The following EYS variants were observed in gnomAD, a reference collection of about 807,000 sequenced individuals.
EYS encodes protein eyes shut homolog.
A neutral mutation model predicts 282.1 loss-of-function variants in EYS; 250 were observed. The observed-to-expected ratio is 0.89, with a 90% CI of 0.80 to 0.98. EYS has a LOEUF of 0.98. Among genes scored for constraint, EYS ranks in the 50% least tolerant of loss-of-function variants. EYS has a pLI of 0.00. For missense variants in EYS, 4,016 were observed against 3,709.0 expected (o/e 1.08, Z -2.15); for synonymous variants, 1,355 against 1,282.9 (o/e 1.06, Z -1.20).
At chr6:65,108,154 G>A (rs1048707994) in intron 12 of EYS, among the ~76,000 whole-genome samples, 1 of 151,098 alleles carries the variant, frequency 6.6e-6, no homozygotes, top group Non-Finnish European at 1.5e-5. Context: ...CCTTTAGCTC[G>A]AAGAACTTCT....
intron 14 of EYS, among the ~76,000 whole-genome samples, chr6:64,975,403 G>C (rs1770444333): frequency 6.6e-6 from 1 of 151,812 alleles, no homozygotes; most frequent in Non-Finnish European, 1.5e-5. Flanking sequence ...CAGGAGGAAA[G>C]GGCTCTGGTT....
rs1394521114 is a variant in EYS, at chr6:64,637,982, G to C, written c.3444-11737C>G. Reference sequence around the variant, plus strand: ...TTTCTAGATCACCTTTTAAAAAAAAGAGAATGAATACAACTCCACCAGGCA... The same window carrying C: ...TTTCTAGATCACCTTTTAAAAAAAACAGAATGAATACAACTCCACCAGGCA... On this transcript the variant is annotated intron_variant, in intron 22 of 42. Transcript: ENST00000503581. Among the ~76,000 whole-genome samples the C allele has an allele frequency of 2.2e-5, 2 of 89,924 alleles. 1 individual carries two copies. The highest frequency in any genetic ancestry group is 8.5e-5 in the African/African-American group (2 of 23,490). 59.0% of individuals were successfully genotyped at this position (89,924 alleles called of 152,430 possible). A position where few individuals can be genotyped will look rare whatever the true frequency, so the allele number is the denominator to read the frequency against.
At chr6:65,135,238 C>A (rs1196669789) in intron 12 of EYS, among the ~76,000 whole-genome samples, 2 of 151,840 alleles carry the variant, frequency 1.3e-5, no homozygotes, top group Non-Finnish European at 2.9e-5. Flanking sequence ...ATCACATCAC[C>A]TTTTTAATTC....
At chr6:64,245,606 A>C (rs377537058) in intron 30 of EYS, among the ~76,000 whole-genome samples, 2 of 152,174 alleles carry the variant, frequency 1.3e-5, no homozygotes, top group South Asian at 4.1e-4. Context: ...ATCTTTGCAG[A>C]TTTAAGCCAC....
intron 11 of EYS, 135 bp from the exon 12 acceptor site, chr6:65,296,254 AAT>A: frequency 1.0e-6 from 1 of 993,312 alleles, no homozygotes; most frequent in Non-Finnish European, 1.4e-6. Context: ...GCATTTAAAA[AAT>A]ATTTTCATAA....
intron 30 of EYS, among the ~76,000 whole-genome samples, chr6:64,239,885 T>G (rs1766741021): frequency 6.6e-6 from 1 of 152,224 alleles, no homozygotes; most frequent in African/African-American, 2.4e-5. Context: ...TTTATGATTT[T>G]AGGTCTTACA....
intron 2 of EYS, among the ~76,000 whole-genome samples, chr6:65,620,882 C>T (rs916039026): frequency 1.5e-4 from 23 of 152,078 alleles, no homozygotes; most frequent in Admixed American, 2.6e-4. Flanking sequence ...TTTCTTAATC[C>T]GGAGTTCTAG....
chr6:65,205,548 TG>T (rs1766013872), intron 12 of EYS, among the ~76,000 whole-genome samples: 1 of 151,900 alleles, frequency 6.6e-6, no homozygotes, highest in Non-Finnish European at 1.5e-5. Flanking sequence ...CTAAACTATG[TG>T]GTCCTAATAG....
At chr6:65,371,707 C>CT (rs1765145527) in intron 8 of EYS, among the ~76,000 whole-genome samples, 1 of 91,310 alleles carries the variant, frequency 1.1e-5, no homozygotes, top group African/African-American at 4.2e-5. Flanking sequence ...CTCTCTCTCT[C>CT]CCTCTCTCTC....
chr6:64,501,933 T>G (rs1373242894), intron 26 of EYS, among the ~76,000 whole-genome samples: 3 of 152,166 alleles, frequency 2.0e-5, no homozygotes, highest in Non-Finnish European at 4.4e-5. Context: ...GGCTCCTGCA[T>G]GTACTAGTTC....
At chr6:64,341,126 C>A (rs1771091868) in intron 29 of EYS, among the ~76,000 whole-genome samples, 1 of 151,616 alleles carries the variant, frequency 6.6e-6, no homozygotes, top group Non-Finnish European at 1.5e-5. Flanking sequence ...AATGGTTCAA[C>A]CACCCCACCC....
chr6:64,614,359 T>A (rs1287902346), intron 24 of EYS, among the ~76,000 whole-genome samples: 2 of 152,064 alleles, frequency 1.3e-5, no homozygotes, highest in Admixed American at 1.3e-4. Flanking sequence ...ACGCAATGCA[T>A]CATGTGTTTA....
chr6:64,886,631 A>G (rs906749116), intron 19 of EYS, 66 bp downstream of exon 19: 186 of 1,333,524 alleles, frequency 1.4e-4, no homozygotes, highest in Non-Finnish European at 1.7e-4. Flanking sequence ...TGGAGTATAA[A>G]TATGAGGTTT....
intron 2 of EYS, among the ~76,000 whole-genome samples, chr6:65,516,123 A>C (rs1767124478): frequency 6.6e-6 from 1 of 152,094 alleles, no homozygotes; most frequent in Non-Finnish European, 1.5e-5. Context: ...TATAAAGCAT[A>C]AGGATGCTGA....
intron 12 of EYS, among the ~76,000 whole-genome samples, chr6:65,277,118 G>A (rs1316403963): frequency 2.6e-5 from 4 of 152,086 alleles, no homozygotes; most frequent in Non-Finnish European, 4.4e-5. Flanking sequence ...GAGTCCTCAC[G>A]AATGGGATTG....
chr6:64,884,712 T>C (rs1045673278), intron 19 of EYS, among the ~76,000 whole-genome samples: 1 of 151,644 alleles, frequency 6.6e-6, no homozygotes, highest in Non-Finnish European at 1.5e-5. Context: ...CAAATACATG[T>C]AACTTTCTTG....
At chr6:63,859,602 T>A (rs1475726298) in intron 36 of EYS, among the ~76,000 whole-genome samples, 3 of 146,918 alleles carry the variant, frequency 2.0e-5, no homozygotes, top group Non-Finnish European at 4.5e-5. Context: ...CTGGGCTTTA[T>A]ACATTAAGAG....
chr6:64,877,279 C>A (rs976428851), intron 19 of EYS, among the ~76,000 whole-genome samples: 2 of 152,000 alleles, frequency 1.3e-5, no homozygotes. Context: ...GGAATAAATC[C>A]TCAGTACTAA....
chr6:65,181,959 C>CA (rs1270067152), intron 12 of EYS, among the ~76,000 whole-genome samples: 2 of 151,006 alleles, frequency 1.3e-5, no homozygotes, highest in Non-Finnish European at 2.9e-5. Flanking sequence ...ATAGCAAGGA[C>CA]AAAAAAACAA....
Sources: allele counts gnomAD v4.1 joint callset (sites outside exome capture counted in the v4.1 genomes callset), GRCh38; gene constraint gnomAD v4.1.1; transcripts MANE v1.5; gene names NCBI Gene and HGNC (gene_info 2026-07-23, HGNC 2026-07-21).